The following TENM2 variants were observed in gnomAD, a reference collection of about 807,000 sequenced individuals.
The protein encoded by TENM2 is teneurin-2.
Under a neutral mutation model 245.2 loss-of-function variants are expected in TENM2, and 52 were observed. The observed-to-expected ratio is 0.21, with a 90% CI of 0.17 to 0.27. TENM2 has a LOEUF of 0.27. Ranked by LOEUF, TENM2 falls within the 10% of genes least tolerant of loss-of-function variation. The pLI is 1.00. For synonymous variants in TENM2, 1,363 were observed against 1,438.9 expected (o/e 0.95, Z 1.19); for missense variants, 3,046 against 3,666.8 (o/e 0.83, Z 4.37).
chr5:167,466,165 G>T (rs561361269), intron 2 of TENM2, among the ~76,000 whole-genome samples: 1 of 152,264 alleles, frequency 6.6e-6, no homozygotes, highest in South Asian at 2.1e-4. Flanking sequence ...TTTCCCTTAT[G>T]TGGCCCACTG....
At chr5:168,166,132 C>T (rs1303814959) in intron 13 of TENM2, among the ~76,000 whole-genome samples, 5 of 152,168 alleles carry the variant, frequency 3.3e-5, no homozygotes, top group Non-Finnish European at 5.9e-5. Flanking sequence ...CTGCCCTCGT[C>T]TCTGTCCTGC....
intron 2 of TENM2, among the ~76,000 whole-genome samples, chr5:167,576,322 G>A (rs1216750658): frequency 2.4e-5 from 3 of 124,908 alleles, no homozygotes; most frequent in Non-Finnish European, 3.3e-5. Context: ...GGAGAGCAAA[G>A]AAAAGAGCAT....
chr5:168,178,675 C>A (rs1759572119), intron 13 of TENM2, among the ~76,000 whole-genome samples: 1 of 152,172 alleles, frequency 6.6e-6, no homozygotes, highest in Non-Finnish European at 1.5e-5. Context: ...GAAAAAACAA[C>A]TAAGAAATGA....
At chr5:167,477,020 A>AT (rs1468357494) in intron 2 of TENM2, among the ~76,000 whole-genome samples, 1 of 152,224 alleles carries the variant, frequency 6.6e-6, no homozygotes, top group Non-Finnish European at 1.5e-5. Flanking sequence ...ATAATGTTCC[A>AT]TAAAAAAAGT....
chr5:167,345,953 T>G (rs999450733), intron 1 of TENM2, among the ~76,000 whole-genome samples: 1 of 141,118 alleles, frequency 7.1e-6, no homozygotes, highest in South Asian at 2.2e-4. Flanking sequence ...TTTTACCAAA[T>G]ATCTGGTCCC....
intron 2 of TENM2, among the ~76,000 whole-genome samples, chr5:167,535,386 G>A (rs1305427892): frequency 1.3e-5 from 2 of 151,976 alleles, no homozygotes; most frequent in African/African-American, 2.4e-5. Context: ...GGAAACCCAG[G>A]CCCTGCTTGA....
chr5:167,584,548 C>T (rs1775342985), intron 2 of TENM2, among the ~76,000 whole-genome samples: 1 of 152,190 alleles, frequency 6.6e-6, no homozygotes, highest in African/African-American at 2.4e-5. Context: ...AGGGAGAAGC[C>T]GGCTGAGGCT....
chr5:167,751,213 A>G (rs901873212), intron 2 of TENM2, among the ~76,000 whole-genome samples: 3 of 152,182 alleles, frequency 2.0e-5, no homozygotes, highest in African/African-American at 7.2e-5. Flanking sequence ...GTTCTTAAAG[A>G]GGTAAGAACC....
chr5:167,151,515 C>CTTCTTTTTTTTGTT, the TENM2 span, among the ~76,000 whole-genome samples: 1 of 152,226 alleles, frequency 6.6e-6, no homozygotes, highest in Middle Eastern at 3.4e-3. Context: ...TGCTTTTCTT[C>CTTCTTTTTTTTGTT]TTCTTTTTTT....
chr5:168,101,549 T>C (rs1360576922), intron 9 of TENM2, among the ~76,000 whole-genome samples: 5 of 152,246 alleles, frequency 3.3e-5, no homozygotes, highest in African/African-American at 1.2e-4. Context: ...ATTCACCACC[T>C]GCAGTGTGGC....
In TENM2 at chr5:167,883,871, G is replaced by A. The variant is rs61481594; in HGVS notation, c.712+7676G>A. ...TTGTTAGGGATGTCTCAATTCTTGG[G>A]TTGAATCAAAGGATTTCATTATTTT... On this transcript the variant is annotated intron_variant, in intron 3 of 28. Coordinates refer to ENST00000518659, the Ensembl canonical transcript of TENM2. 1.1e-3 allele frequency among the ~76,000 whole-genome samples: 161 copies of A among 152,242 alleles called. 1 individual carries two copies. Among genetic ancestry groups the A allele is most frequent in the African/African-American group, 3.4e-3 (140 of 41,534 alleles).
intron 2 of TENM2, among the ~76,000 whole-genome samples, chr5:167,615,070 T>C (rs1267833098): frequency 6.6e-6 from 1 of 152,184 alleles, no homozygotes; most frequent in Non-Finnish European, 1.5e-5. Context: ...TTATGAGAAC[T>C]GCATGGAGCT....
At chr5:167,032,691 T>C in the TENM2 span, among the ~76,000 whole-genome samples, 1 of 152,190 alleles carries the variant, frequency 6.6e-6, no homozygotes, top group Non-Finnish European at 1.5e-5. Context: ...ATTCCTCTCC[T>C]TTCCCCCTAC....
chr5:167,914,668 A>G (rs1307730162), intron 3 of TENM2, among the ~76,000 whole-genome samples: 1 of 152,176 alleles, frequency 6.6e-6, no homozygotes, highest in African/African-American at 2.4e-5. Flanking sequence ...TCTAGAGGCT[A>G]GAAGTCCAAA....
At chr5:167,574,938 T>C (rs777928349) in intron 2 of TENM2, among the ~76,000 whole-genome samples, 2 of 152,142 alleles carry the variant, frequency 1.3e-5, no homozygotes, top group African/African-American at 2.4e-5. Context: ...AAGGCTCATA[T>C]CTATTTTAAC....
intron 12 of TENM2, among the ~76,000 whole-genome samples, chr5:168,159,956 G>T (rs1362540989): frequency 6.6e-6 from 1 of 152,176 alleles, no homozygotes; most frequent in African/African-American, 2.4e-5. Context: ...ATTTAAATTT[G>T]ATGTAGCGGA....
chr5:167,281,026 A>G (rs372456550), upstream of TENM2, among the ~76,000 whole-genome samples: 9 of 152,054 alleles, frequency 5.9e-5, no homozygotes, highest in Middle Eastern at 3.2e-3. Flanking sequence ...GGAAGCAGAC[A>G]TTTATAGTCT....
the TENM2 span, among the ~76,000 whole-genome samples, chr5:167,197,574 C>T: frequency 1.3e-5 from 2 of 151,984 alleles, no homozygotes; most frequent in Admixed American, 6.6e-5. Flanking sequence ...TGCATTTGCC[C>T]TGCTACCCAG....
the TENM2 span, among the ~76,000 whole-genome samples, chr5:167,106,192 C>T: frequency 6.6e-6 from 1 of 152,072 alleles, no homozygotes; most frequent in South Asian, 2.1e-4. Context: ...ATAAACATTG[C>T]TCCATTTGGT....
Sources: gnomAD v4.1 joint callset for allele counts (sites outside exome capture counted in the v4.1 genomes callset) on GRCh38, gnomAD v4.1.1 for gene constraint, MANE v1.5 for transcripts, NCBI Gene and HGNC (gene_info 2026-07-23, HGNC 2026-07-21) for gene names.